The following UBA6 variants were observed in gnomAD, a reference collection of about 807,000 sequenced individuals.
UBA6 encodes the protein ubiquitin-like modifier-activating enzyme 6.
In UBA6, 87 loss-of-function variants were observed where a neutral mutation model predicts 148.3. That is an observed-to-expected ratio of 0.59 (90% CI 0.49 to 0.70). The LOEUF (loss-of-function observed/expected upper bound fraction) is 0.70, where lower values mean the gene tolerates loss of function less well. Ranked by LOEUF, UBA6 falls within the 30% of genes least tolerant of loss-of-function variation. The pLI is 0.00. For missense variants in UBA6, 1,186 were observed against 1,241.2 expected, an observed-to-expected ratio of 0.96 and a Z score of 0.67; for synonymous variants, 376 against 401.0, an observed-to-expected ratio of 0.94 and a Z score of 0.75.
Position 67,627,856 on chromosome 4 carries a change from A to G in UBA6, c.2400+1215T>C, listed in dbSNP as rs116104742. Among the ~76,000 whole-genome samples the G allele has an allele frequency of 4.9e-3, 743 of 151,886 alleles. 9 individuals carry two copies. Among genetic ancestry groups the G allele is most frequent in the African/African-American group, 0.017 (697 of 41,506 alleles). On this transcript the variant is annotated intron_variant, in intron 27 of 32. Coordinates refer to ENST00000322244, the MANE Select transcript of UBA6 (RefSeq NM_018227.6). ...CAAGAAAGGCATATACTGAACATGT[A>G]AAAAAGAAAAAAAAGTTTTCAAACT...
chr4:67,637,290 C>A (rs866464155), intron 19 of UBA6, among the ~76,000 whole-genome samples: 23 of 150,810 alleles, frequency 1.5e-4, no homozygotes, highest in South Asian at 1.0e-3. Context: ...CCCTGCCCGG[C>A]CAGCCGCCCC....
chr4:67,627,692 CT>C (rs879365628), intron 27 of UBA6, among the ~76,000 whole-genome samples: 128 of 142,786 alleles, frequency 9.0e-4, no homozygotes, highest in East Asian at 1.0e-3. Context: ...CCCTACAAGT[CT>C]TTTTTTTTTT....
At position 67,635,461 on chromosome 4, in the gene UBA6, T is replaced by C; in HGVS notation, c.1834A>G (p.Asn612Asp). ...VIVPHLTESY[N>D]SHRDPPEEEI... is the part of the protein sequence containing the mutation. Reference sequence around the variant, plus strand: ...AATATTGATTCACTTACATGACTATTGTAAGACTCAGTCAAATGCGGTACA... The same window carrying C: ...AATATTGATTCACTTACATGACTATCGTAAGACTCAGTCAAATGCGGTACA... The change falls in exon 20 of 33, where the codon AAT becomes GAT. Residue 612 changes from asparagine (N) to aspartate (D), a missense_variant. By Grantham distance (23) the Asn-to-Asp change is conservative. Transcript: ENST00000322244. 2 of 1,582,146 alleles carry C rather than the reference T, an allele frequency of 1.3e-6. No individual in the cohort carries two copies. Among genetic ancestry groups the C allele is most frequent in the Non-Finnish European group, 8.7e-7 (1 of 1,151,516 alleles).
chr4:67,698,427 G>T (rs200188868), intron 1 of UBA6, among the ~76,000 whole-genome samples: 1 of 152,226 alleles, frequency 6.6e-6, no homozygotes, highest in Admixed American at 6.5e-5. Context: ...AAGTGCTTTA[G>T]ATGTACTTAT....
At chr4:67,686,498 G>A (rs1258416115) in intron 2 of UBA6, among the ~76,000 whole-genome samples, 3 of 151,990 alleles carry the variant, frequency 2.0e-5, no homozygotes, top group Non-Finnish European at 4.4e-5. Flanking sequence ...CAACAACTTC[G>A]TATGGCTGCT....
At chr4:67,648,985 C>T in intron 14 of UBA6, 83 bp downstream of exon 14, 1 of 1,391,798 alleles carries the variant, frequency 7.2e-7, no homozygotes, top group Middle Eastern at 2.2e-4. Flanking sequence ...GGTCGCTTTT[C>T]TAATATATTA....
In UBA6 at chr4:67,682,123, T is replaced by A; in HGVS notation, c.225A>T (p.Glu75Asp). 1 of 1,612,834 alleles carries A rather than the reference T, an allele frequency of 6.2e-7. No individual in the cohort carries two copies. Among genetic ancestry groups the A allele is most frequent in the Non-Finnish European group, 8.5e-7 (1 of 1,178,988 alleles). The change falls in exon 3 of 33, where the codon GAA becomes GAT. Residue 75 changes from glutamate to aspartate, a missense_variant. Glu to Asp is a conservative substitution (Grantham distance 45). Transcript: ENST00000322244. ...AGGAATATAAATATTGCTTACCAAT[T>A]TCCAAACCAAGACCACCCATCCCAC... ...FLSGMGGLGL[E>D]IAKNLVLAGI...
intron 27 of UBA6, among the ~76,000 whole-genome samples, chr4:67,627,431 G>C (rs1047068124): frequency 5.3e-5 from 8 of 151,830 alleles, no homozygotes; most frequent in Non-Finnish European, 1.0e-4. Context: ...TTGCTCAGGA[G>C]AATTTATTAC....
At chr4:67,661,411 C>G (rs565337558) in intron 13 of UBA6, among the ~76,000 whole-genome samples, 1 of 152,230 alleles carries the variant, frequency 6.6e-6, no homozygotes, top group African/African-American at 2.4e-5. Context: ...TTGTAAGAAC[C>G]TGGCAGTTCC....
In UBA6 at chr4:67,646,109, A is replaced by C. The variant is rs1041078748; in HGVS notation, c.1317-93T>G. On this transcript the variant is annotated intron_variant, in intron 15 of 32. Transcript: ENST00000322244. ...TACCAATTTAATGTTGTACTTTAAA[A>C]GGAAATATTCTTTAAAAGTTTCCCC... The C allele has an allele frequency of 6.2e-6, 4 of 649,144 alleles. No homozygotes were observed. In the African/African-American group the frequency reaches 7.4e-5, roughly 12 times the overall value. 40.2% of individuals were successfully genotyped at this position (649,144 alleles called of 1,614,324 possible). A position where few individuals can be genotyped will look rare whatever the true frequency, so the allele number is the denominator to read the frequency against.
chr4:67,687,328 C>T (rs576209563), intron 2 of UBA6, among the ~76,000 whole-genome samples: 194 of 152,122 alleles, frequency 1.3e-3, no homozygotes, highest in African/African-American at 4.3e-3. Context: ...GCCACTGCAC[C>T]CGACCAATAT....
At chr4:67,662,959 A>G (rs1729901241) in intron 12 of UBA6, 180 bp downstream of exon 12, 1 of 440,638 alleles carries the variant, frequency 2.3e-6, no homozygotes, top group Non-Finnish European at 4.0e-6. Context: ...CCACTTTTAT[A>G]AACCAAATTT....
intron 2 of UBA6, among the ~76,000 whole-genome samples, chr4:67,694,158 A>G (rs1187394891): frequency 7.6e-6 from 1 of 132,230 alleles, no homozygotes; most frequent in Non-Finnish European, 1.6e-5. Context: ...GGAGGTTGCC[A>G]TGAGCCGAGA....
intron 19 of UBA6, among the ~76,000 whole-genome samples, chr4:67,637,920 C>A (rs1729204839): frequency 1.4e-5 from 2 of 141,392 alleles, no homozygotes; most frequent in African/African-American, 5.3e-5. Flanking sequence ...GCGAGAAACA[C>A]CCAAGAATGA....
rs540331554 is a variant in UBA6 at position 67,667,856 on chromosome 4, AC to A, written c.793+694del. 1.5e-3 allele frequency among the ~76,000 whole-genome samples: 234 copies of A among 152,328 alleles called. 2 individuals carry two copies. The highest frequency in any genetic ancestry group is 5.4e-3 in the African/African-American group (223 of 41,584). On this transcript the variant is annotated intron_variant, in intron 9 of 32. Transcript: ENST00000322244. ...GACTTCGCATTAGTCCAGTAAAAAA[AC>A]AGACCCCTTCAACTTCTTGCGAACA...
intron 13 of UBA6, among the ~76,000 whole-genome samples, chr4:67,655,119 T>C (rs1387130649): frequency 6.6e-6 from 1 of 152,164 alleles, no homozygotes; most frequent in African/African-American, 2.4e-5. Context: ...ACTGTCAACA[T>C]TAGACAGGGC....
intron 23 of UBA6, among the ~76,000 whole-genome samples, chr4:67,632,714 G>C (rs1729028116): frequency 6.6e-6 from 1 of 152,176 alleles, no homozygotes; most frequent in African/African-American, 2.4e-5. Context: ...TATTTTTTAA[G>C]TGGGGTGTGG....
intron 2 of UBA6, among the ~76,000 whole-genome samples, chr4:67,694,394 T>C (rs1390223135): frequency 1.5e-5 from 2 of 135,964 alleles, no homozygotes; most frequent in East Asian, 5.0e-4. Flanking sequence ...TTTGTATTTC[T>C]TTTTTTTTTT....
chr4:67,674,519 G>A (rs1730230324), intron 6 of UBA6, among the ~76,000 whole-genome samples: 2 of 152,122 alleles, frequency 1.3e-5, no homozygotes. Context: ...TTGAACTAGA[G>A]GGACTTGGGG....
Sources: gnomAD v4.1 joint callset for allele counts (sites outside exome capture counted in the v4.1 genomes callset) on GRCh38, gnomAD v4.1.1 for gene constraint, MANE v1.5 for transcripts, NCBI Gene and HGNC (gene_info 2026-07-23, HGNC 2026-07-21) for gene names.